The following UNC5D variants were observed in gnomAD, a reference collection of about 807,000 sequenced individuals.
UNC5D encodes the protein unc-5 netrin receptor D, also known as netrin receptor UNC5D.
UNC5D carries 39 observed loss-of-function variants against 105.4 expected under a neutral mutation model. That is an observed-to-expected ratio of 0.37 (90% CI 0.29 to 0.48). UNC5D has a LOEUF of 0.48. Ranked by LOEUF, UNC5D falls within the 20% of genes least tolerant of loss-of-function variation. UNC5D has a pLI of 0.98. For missense variants in UNC5D, 991 were observed against 1,202.4 expected, an observed-to-expected ratio of 0.82 and a Z score of 2.60; for synonymous variants, 452 against 450.4, an observed-to-expected ratio of 1.00 and a Z score of -0.04.
At chr8:35,732,442 T>C (rs1011343311) in intron 11 of UNC5D, among the ~76,000 whole-genome samples, 3 of 152,112 alleles carry the variant, frequency 2.0e-5, no homozygotes, top group African/African-American at 4.8e-5. Context: ...ATATCTCCAC[T>C]TGGCAACTGG....
At chr8:35,272,146 C>T (rs1805450441) in intron 1 of UNC5D, among the ~76,000 whole-genome samples, 1 of 152,046 alleles carries the variant, frequency 6.6e-6, no homozygotes, top group South Asian at 2.1e-4. Context: ...AAAAATAAAA[C>T]ATGAGGTTGA....
intron 1 of UNC5D, among the ~76,000 whole-genome samples, chr8:35,530,120 T>G (rs1401951159): frequency 1.3e-5 from 2 of 152,132 alleles, no homozygotes; most frequent in East Asian, 3.9e-4. Flanking sequence ...CCCTGTCTTG[T>G]GCTAGTTTTC....
chr8:35,239,063 T>C (rs1802642813), intron 1 of UNC5D, among the ~76,000 whole-genome samples: 1 of 152,210 alleles, frequency 6.6e-6, no homozygotes, highest in Middle Eastern at 3.2e-3. Context: ...TGCTCTTATT[T>C]TGAGCAGCCC....
At chr8:35,784,467 G>T (rs1486804761) in intron 16 of UNC5D, among the ~76,000 whole-genome samples, 2 of 152,098 alleles carry the variant, frequency 1.3e-5, no homozygotes, top group African/African-American at 2.4e-5. Flanking sequence ...AGATTGTTTA[G>T]GCCAGGCACG....
chr8:35,612,658 G>A (rs375634317), intron 4 of UNC5D, among the ~76,000 whole-genome samples: 1 of 146,708 alleles, frequency 6.8e-6, no homozygotes, highest in African/African-American at 2.6e-5. Context: ...GAAAGAAGAA[G>A]GAACAATAGA....
At chr8:35,503,288 G>T (rs1812087080) in intron 1 of UNC5D, among the ~76,000 whole-genome samples, 1 of 152,112 alleles carries the variant, frequency 6.6e-6, no homozygotes, top group African/African-American at 2.4e-5. Context: ...AAGAAAAAGA[G>T]GTTTAATGGA....
chr8:35,796,540 AT>A (rs1255649867), downstream of UNC5D: 1 of 151,778 alleles, frequency 6.6e-6, no homozygotes, highest in Non-Finnish European at 1.5e-5. Context: ...TTTTATTGAC[AT>A]TTTAGGATAC....
At chr8:35,544,633 C>T in intron 1 of UNC5D, 1 of 1,343,752 alleles carries the variant, frequency 7.4e-7, no homozygotes, top group African/African-American at 1.7e-5. Context: ...GACAGAGTCT[C>T]AGTCTTTCAC....
chr8:35,769,911 T>C (rs1265744924), intron 15 of UNC5D, among the ~76,000 whole-genome samples: 6 of 152,204 alleles, frequency 3.9e-5, no homozygotes, highest in South Asian at 2.1e-4. Context: ...TGCAGTGAGA[T>C]GAGATCACAC....
rs544593691 is a variant in UNC5D, at chr8:35,772,764, G to C, written c.2479-1535G>C. Among the ~76,000 whole-genome samples the C allele has an allele frequency of 2.5e-4, 37 of 150,774 alleles. No homozygotes were observed. In the South Asian group the frequency reaches 7.3e-3, roughly 30 times the overall value. On this transcript the variant is annotated intron_variant, in intron 15 of 16. Transcript: ENST00000404895. Reference sequence around the variant, plus strand: ...TATGTCATAAGACTGAAACCAAAGTGTTGGCCAGGGCATGTTCTCATCTGG... The same window carrying C: ...TATGTCATAAGACTGAAACCAAAGTCTTGGCCAGGGCATGTTCTCATCTGG...
intron 1 of UNC5D, among the ~76,000 whole-genome samples, chr8:35,488,713 C>T (rs903304694): frequency 6.6e-6 from 1 of 152,180 alleles, no homozygotes; most frequent in African/African-American, 2.4e-5. Flanking sequence ...GTTTGGCTCT[C>T]ATGAAATGAG....
chr8:35,545,415 T>G (rs955214492), intron 1 of UNC5D, among the ~76,000 whole-genome samples: 1 of 147,600 alleles, frequency 6.8e-6, no homozygotes, highest in African/African-American at 2.5e-5. Flanking sequence ...CAAGTATGGG[T>G]TGGAGAGGGG....
rs1403394278 is a variant in UNC5D, at chr8:35,567,863, T to A, written c.323-235T>A. 5.3e-5 allele frequency among the ~76,000 whole-genome samples: 8 copies of A among 152,296 alleles called. No individual in the cohort carries two copies. The East Asian group carries it at 1.5e-3, about 29-fold the overall frequency. On this transcript the variant is annotated intron_variant, in intron 2 of 16. Transcript: ENST00000404895. ...CTAAGTCAAGGTGCTGTGAGAACTA[T>A]TCTATTGCATGGGAGCCGGAATTGG...
At chr8:35,747,667 G>A (rs183320480) in intron 11 of UNC5D, among the ~76,000 whole-genome samples, 71 of 152,246 alleles carry the variant, frequency 4.7e-4, no homozygotes, top group African/African-American at 1.6e-3. Flanking sequence ...GCTGATTACT[G>A]TTCTGTAAAC....
chr8:35,674,081 G>A (rs1329999130), intron 4 of UNC5D, among the ~76,000 whole-genome samples: 1 of 152,178 alleles, frequency 6.6e-6, no homozygotes, highest in East Asian at 1.9e-4. Flanking sequence ...TAACTGGAGT[G>A]TGTGCATTCA....
intron 1 of UNC5D, among the ~76,000 whole-genome samples, chr8:35,267,080 T>G (rs1009912691): frequency 1.5e-5 from 2 of 136,074 alleles, no homozygotes; most frequent in African/African-American, 5.4e-5. Context: ...CCACAGGGAC[T>G]GATTTTTTTT....
chr8:35,602,261 T>A (rs1225247217), intron 4 of UNC5D, among the ~76,000 whole-genome samples: 2 of 152,168 alleles, frequency 1.3e-5, no homozygotes, highest in Non-Finnish European at 2.9e-5. Context: ...AAAATTCTCT[T>A]TTTTTGTTGT....
intron 1 of UNC5D, among the ~76,000 whole-genome samples, chr8:35,297,853 G>C (rs3108621): frequency 0.82 from 124,608 of 151,956 alleles, 51,546 homozygotes; most frequent in East Asian, 1. Flanking sequence ...TACTAAAACC[G>C]CAAACTCACT....
At chr8:35,279,642 G>A (rs1361119611) in intron 1 of UNC5D, among the ~76,000 whole-genome samples, 1 of 152,156 alleles carries the variant, frequency 6.6e-6, no homozygotes, top group African/African-American at 2.4e-5. Context: ...CTCAAGTCAC[G>A]TTGGTGACTC....
Sources: allele counts gnomAD v4.1 joint callset (sites outside exome capture counted in the v4.1 genomes callset), GRCh38; gene constraint gnomAD v4.1.1; transcripts MANE v1.5; gene names NCBI Gene and HGNC (gene_info 2026-07-23, HGNC 2026-07-21).